The following SUSD4 variants were observed in gnomAD, a reference collection of about 807,000 sequenced individuals.
SUSD4 encodes the protein sushi domain-containing protein 4.
SUSD4 carries 41 observed loss-of-function variants against 50.5 expected under a neutral mutation model. The observed-to-expected ratio is 0.81, with a 90% CI of 0.63 to 1.05. The LOEUF (loss-of-function observed/expected upper bound fraction) is 1.05. Among genes scored for constraint, SUSD4 ranks in the 50% least tolerant of loss-of-function variants. The probability of loss-of-function intolerance (pLI) is 0.00; values close to 1 mark genes in which losing one functional copy is unlikely to be tolerated. For missense variants in SUSD4, 580 were observed against 634.7 expected, an observed-to-expected ratio of 0.91 and a Z score of 0.93; for synonymous variants, 257 against 257.3, an observed-to-expected ratio of 1.00 and a Z score of 0.01.
At chr1:223,266,464 C>T (rs1268794566) in intron 4 of SUSD4, among the ~76,000 whole-genome samples, 2 of 152,274 alleles carry the variant, frequency 1.3e-5, no homozygotes, top group South Asian at 2.1e-4. Flanking sequence ...TGATTGTGCT[C>T]GCTCTTCTTC....
chr1:223,355,545 C>A (rs1330996561), intron 2 of SUSD4, among the ~76,000 whole-genome samples: 1 of 152,138 alleles, frequency 6.6e-6, no homozygotes, highest in Non-Finnish European at 1.5e-5. Flanking sequence ...TAAAAAGAAT[C>A]TCCCTCCTCC....
chr1:223,264,137 T>C, intron 5 of SUSD4: 1 of 985,292 alleles, frequency 1.0e-6, no homozygotes, highest in East Asian at 1.1e-4. Context: ...TCACAATCTA[T>C]AGTCATAGAG....
chr1:223,263,049 C>A (rs1662232113), intron 5 of SUSD4, among the ~76,000 whole-genome samples: 1 of 152,208 alleles, frequency 6.6e-6, no homozygotes, highest in Non-Finnish European at 1.5e-5. Flanking sequence ...TAAAGCTTAT[C>A]AGAACCTGAC....
intron 5 of SUSD4, among the ~76,000 whole-genome samples, chr1:223,252,729 T>A (rs889659153): frequency 2.0e-5 from 3 of 151,860 alleles, no homozygotes; most frequent in African/African-American, 7.3e-5. Context: ...CTTTTTTTTT[T>A]AAACTCCAGT....
At chr1:223,235,105 A>C (rs1030079027) in intron 5 of SUSD4, 1 of 1,594,596 alleles carries the variant, frequency 6.3e-7, no homozygotes, top group Non-Finnish European at 8.5e-7. Context: ...TTCCTCCTGA[A>C]AAAAAGAAGT....
intron 2 of SUSD4, chr1:223,358,977 C>T (rs1454212979): frequency 4.5e-6 from 2 of 440,484 alleles, no homozygotes; most frequent in African/African-American, 4.1e-5. Context: ...CAGAAAGCAT[C>T]TGTTTCCACC....
chr1:223,324,015 T>C (rs17539269), intron 2 of SUSD4, among the ~76,000 whole-genome samples: 27,401 of 151,660 alleles, frequency 0.18, 3,036 homozygotes, highest in Non-Finnish European at 0.26. Flanking sequence ...TGAGGTTTCA[T>C]TGCCACATGA....
At chr1:223,280,147 G>C (rs1198858577) in intron 3 of SUSD4, among the ~76,000 whole-genome samples, 3 of 152,164 alleles carry the variant, frequency 2.0e-5, no homozygotes, top group Non-Finnish European at 2.9e-5. Flanking sequence ...AAATTGTAAA[G>C]ACCATCGATG....
chr1:223,362,978 G>C (rs1022437393), intron 2 of SUSD4, among the ~76,000 whole-genome samples: 30 of 114,632 alleles, frequency 2.6e-4, no homozygotes, highest in Admixed American at 1.2e-4. Context: ...TGGCCAAAGT[G>C]GGAATAATGG....
chr1:223,336,788 A>T (rs1667481649), intron 2 of SUSD4, among the ~76,000 whole-genome samples: 1 of 152,118 alleles, frequency 6.6e-6, no homozygotes, highest in Admixed American at 6.5e-5. Context: ...TCCAAATCAA[A>T]TGCTAATTCT....
At chr1:223,322,824 A>T (rs1441325854) in intron 2 of SUSD4, among the ~76,000 whole-genome samples, 1 of 152,244 alleles carries the variant, frequency 6.6e-6, no homozygotes, top group Non-Finnish European at 1.5e-5. Context: ...TGTGTTATTT[A>T]TGCTTAGGCA....
At position 223,221,891 on chromosome 1, in the gene SUSD4, A is replaced by G. The variant is rs1275857158; in HGVS notation, c.*301T>C. The stretch of plus-strand genomic sequence containing the variant: ...TGATGATTCGGTGGGATGTGCGTGG[A>G]ATTGTCCCATGTTCCACAGCACGAT... On this transcript the variant is annotated 3_prime_UTR_variant, in exon 9 of 9. Transcript: ENST00000366878. The G allele has an allele frequency of 6.0e-6, 2 of 332,370 alleles. No homozygotes were observed. The highest frequency in any genetic ancestry group is 4.9e-5 in the East Asian group (1 of 20,496). 20.6% of individuals were successfully genotyped at this position (332,370 alleles called of 1,614,324 possible).
intron 5 of SUSD4, among the ~76,000 whole-genome samples, chr1:223,260,438 T>C (rs1332669216): frequency 1.3e-5 from 2 of 152,208 alleles, no homozygotes; most frequent in Admixed American, 6.5e-5. Flanking sequence ...ATTTCTTGCA[T>C]TCAATGTGTG....
At chr1:223,355,105 C>G in intron 2 of SUSD4, among the ~76,000 whole-genome samples, 1 of 150,572 alleles carries the variant, frequency 6.6e-6, no homozygotes, top group Non-Finnish European at 1.5e-5. Flanking sequence ...GATGGAGTCT[C>G]GCTCTGTTGC....
chr1:223,344,929 C>T (rs1667950572), intron 2 of SUSD4, among the ~76,000 whole-genome samples: 1 of 152,176 alleles, frequency 6.6e-6, no homozygotes. Context: ...CAGAAATAAT[C>T]GAAACTTCCT....
At chr1:223,351,950 C>G (rs1009982208) in intron 2 of SUSD4, among the ~76,000 whole-genome samples, 1 of 151,624 alleles carries the variant, frequency 6.6e-6, no homozygotes, top group Non-Finnish European at 1.5e-5. Flanking sequence ...AACATCAACA[C>G]AGCAGGCACT....
intron 2 of SUSD4, among the ~76,000 whole-genome samples, chr1:223,354,870 T>A (rs1668569443): frequency 6.6e-6 from 1 of 152,232 alleles, no homozygotes; most frequent in South Asian, 2.1e-4. Context: ...GTACTGAGAA[T>A]CTGAATTTGA....
At chr1:223,300,862 C>T (rs1665147673) in intron 2 of SUSD4, among the ~76,000 whole-genome samples, 1 of 152,132 alleles carries the variant, frequency 6.6e-6, no homozygotes, top group African/African-American at 2.4e-5. Context: ...TTTTAGAGGT[C>T]ATCTAGTTTG....
chr1:223,260,141 C>T (rs1042822993), intron 5 of SUSD4, among the ~76,000 whole-genome samples: 4 of 152,204 alleles, frequency 2.6e-5, no homozygotes, highest in African/African-American at 9.7e-5. Flanking sequence ...CAGAAGCCCC[C>T]GTGTGCCCTT....
Sources: allele counts gnomAD v4.1 joint callset (sites outside exome capture counted in the v4.1 genomes callset), GRCh38; gene constraint gnomAD v4.1.1; transcripts MANE v1.5; gene names NCBI Gene and HGNC (gene_info 2026-07-23, HGNC 2026-07-21).